Variants in EPB42 observed in about 807,000 individuals in gnomAD.
The protein encoded by EPB42 is erythrocyte membrane protein band 4.2, also known as protein 4.2.
EPB42 carries 49 observed loss-of-function variants against 76.9 expected under a neutral mutation model. That is an observed-to-expected ratio of 0.64 (90% CI 0.51 to 0.81). The LOEUF (loss-of-function observed/expected upper bound fraction) is 0.81. Ranked by LOEUF, EPB42 falls within the 30% of genes least tolerant of loss-of-function variation. The pLI is 0.00. For synonymous variants in EPB42, 310 were observed against 338.4 expected (o/e 0.92, Z 0.92); for missense variants, 731 against 867.6 (o/e 0.84, Z 1.98).
At chr15:43,210,905 C>G (rs1305191307) in intron 4 of EPB42, among the ~76,000 whole-genome samples, 1 of 152,166 alleles carries the variant, frequency 6.6e-6, no homozygotes, top group African/African-American at 2.4e-5. Flanking sequence ...ATGGCCAGGG[C>G]TCTTGTAGAG....
At chr15:43,202,756 T>C (rs2042144950) in intron 11 of EPB42, among the ~76,000 whole-genome samples, 1 of 152,144 alleles carries the variant, frequency 6.6e-6, no homozygotes, top group Non-Finnish European at 1.5e-5. Context: ...TTTTTTCATC[T>C]GAATAATGGG....
intron 8 of EPB42, among the ~76,000 whole-genome samples, chr15:43,207,981 C>G (rs1053383175): frequency 6.6e-6 from 1 of 152,220 alleles, no homozygotes; most frequent in Non-Finnish European, 1.5e-5. Flanking sequence ...CACTGTGACC[C>G]AACTCCCTCA....
intron 1 of EPB42, among the ~76,000 whole-genome samples, chr15:43,218,037 T>A (rs2042403668): frequency 6.6e-6 from 1 of 152,140 alleles, no homozygotes; most frequent in South Asian, 2.1e-4. Flanking sequence ...GCCCCTTGCA[T>A]CCTTGTATCC....
chr15:43,206,494 A>G lies in EPB42; in HGVS notation c.1454T>C (p.Leu485Pro). 1.2e-6 allele frequency: 2 copies of G among 1,614,060 alleles called. No homozygotes were observed. Among genetic ancestry groups the G allele is most frequent in the Non-Finnish European group, 1.7e-6 (2 of 1,179,906 alleles). ...GATCTGGGCATCCCCTCTCAGGGGTAGGGAGCTGGGTGCTTTCAAGAGCAG... is the reference window on the plus strand; with the variant it reads ...GATCTGGGCATCCCCTCTCAGGGGTGGGGAGCTGGGTGCTTTCAAGAGCAG... Reference protein sequence around the residue: ...LYLLLKAPSSLPLRGDAQISV... With the variant: ...LYLLLKAPSSPPLRGDAQISV... The change falls in exon 10 of 13, where the codon CTA (leucine) becomes CCA (proline). Residue 485 changes from leucine to proline, a missense_variant. Coordinates refer to ENST00000441366, the MANE Select transcript of EPB42 (RefSeq NM_001114134.2). The surrounding 1 kb of genome is among the most constrained non-coding windows in gnomAD (Gnocchi z 4.7).
chr15:43,220,657 C>CCCCCG, intron 1 of EPB42, 159 bp downstream of exon 1: 2 of 1,079,066 alleles, frequency 1.9e-6, no homozygotes, highest in Non-Finnish European at 2.7e-6. Context: ...ACACCCCCCC[C>CCCCCG]CCACAGCCAC....
chr15:43,200,817 A>ATTT (rs34556953), intron 12 of EPB42, among the ~76,000 whole-genome samples: 6 of 143,658 alleles, frequency 4.2e-5, no homozygotes, highest in African/African-American at 1.0e-4. Context: ...ACTCCACCAA[A>ATTT]TTTTTTTTTT....
chr15:43,217,168 G>A (rs1016839505), intron 1 of EPB42, among the ~76,000 whole-genome samples: 2 of 152,180 alleles, frequency 1.3e-5, no homozygotes, highest in African/African-American at 4.8e-5. Flanking sequence ...GGGCCTGGTG[G>A]GAGGTGATTG....
chr15:43,201,829 C>A lies in EPB42; in HGVS notation c.1913+15G>T. ...TGAGACATTTCAGGGGGATGAGAAG[C>A]CTGCCATCACTTACCTGTAGCTCCT... On this transcript the variant is annotated intron_variant, in intron 12 of 12. Transcript: ENST00000441366. The A allele has an allele frequency of 6.2e-7, 1 of 1,614,204 alleles. No individual in the cohort carries two copies. Among genetic ancestry groups the A allele is most frequent in the Non-Finnish European group, 8.5e-7 (1 of 1,180,018 alleles).
chr15:43,204,974 C>CACCA (rs1555471882), intron 10 of EPB42, among the ~76,000 whole-genome samples: 4 of 145,130 alleles, frequency 2.8e-5, no homozygotes, highest in African/African-American at 1.1e-4. Flanking sequence ...GCCCCCCCCC[C>CACCA]AAAAAAAAGT....
At position 43,210,448 on chromosome 15, in the gene EPB42, G is replaced by C. The variant is rs2042277062; in HGVS notation, c.550-9C>G. The C allele has an allele frequency of 6.8e-6, 11 of 1,612,548 alleles. No homozygotes were observed. Among genetic ancestry groups the C allele is most frequent in the Non-Finnish European group, 9.3e-6 (11 of 1,179,270 alleles). On this transcript the variant is annotated splice_polypyrimidine_tract_variant and intron_variant, in intron 4 of 12. Transcript: ENST00000441366. ...ATGACATCCCCCTCGAACTGTTAAG[G>C]ATCACACAGGGCCATGATGAAGGGT... is the stretch of plus-strand genomic sequence containing the variant.
At chr15:43,207,078 C>T in intron 9 of EPB42, 121 bp downstream of exon 9, 1 of 1,463,964 alleles carries the variant, frequency 6.8e-7, no homozygotes, top group Non-Finnish European at 9.3e-7. Flanking sequence ...GGTTGAGAAA[C>T]CCTGTTTTAT....
At position 43,220,975 on chromosome 15, in the gene EPB42, C is replaced by T; in HGVS notation, c.-150G>A. 1 of 700,474 alleles carries T rather than the reference C, an allele frequency of 1.4e-6. No individual in the cohort carries two copies. The highest frequency in any genetic ancestry group is 2.6e-6 in the Non-Finnish European group (1 of 391,212). 43.4% of individuals were successfully genotyped at this position (700,474 alleles called of 1,614,324 possible). ...AAGAATCTGGAAATAGCAAAACCTC[C>T]CCCCACTACTCCTGTGAGCACCCTG... On this transcript the variant is annotated 5_prime_UTR_variant, in exon 1 of 13. Transcript: ENST00000441366.
chr15:43,222,807 A>G (rs146641670), upstream of EPB42, among the ~76,000 whole-genome samples: 665 of 152,376 alleles, frequency 4.4e-3, 2 homozygotes, highest in African/African-American at 0.015. Flanking sequence ...GTCAAAATAC[A>G]GTTGGCTTCC....
Position 43,208,704 on chromosome 15 carries a change from G to A in EPB42, c.904C>T (p.Leu302Phe). The change falls in exon 7 of 13, where the codon CTT becomes TTT. Residue 302 changes from leucine (L) to phenylalanine (F), a missense_variant. Physicochemically the swap from Leu to Phe is conservative, Grantham distance 22 (BLOSUM62 0). Coordinates refer to ENST00000441366, the MANE Select transcript of EPB42 (RefSeq NM_001114134.2). The stretch of plus-strand genomic sequence containing the variant: ...TCATTATAGTATTCATCTATGAGAA[G>A]ACGCCCACCGGTGCCCTGTGCTGAG... Reference protein sequence around the residue: ...FASAQGTGGRLLIDEYYNEEG... With the variant: ...FASAQGTGGRFLIDEYYNEEG... 1 of 1,614,194 alleles carries A rather than the reference G, an allele frequency of 6.2e-7. No homozygotes were observed. The highest frequency in any genetic ancestry group is 2.2e-5 in the East Asian group (1 of 44,878).
Position 43,201,906 on chromosome 15 carries a change from G to GGGGGC in EPB42, c.1846_1850dup (p.Met618ProfsTer7). 6.2e-7 allele frequency: 1 copy of GGGGGC among 1,614,154 alleles called. No individual in the cohort carries two copies. Among genetic ancestry groups the GGGGGC allele is most frequent in the Non-Finnish European group, 8.5e-7 (1 of 1,179,996 alleles). On this transcript the variant is annotated frameshift_variant, in exon 12 of 13. Transcript: ENST00000441366. LOFTEE classifies it high-confidence loss of function. ...GGATGGAGATCACACAGTCCTCCAT[G>GGGGGC]GGGGCATCTAGGGAGTTCTGGAGGC...
chr15:43,208,506 C>T, intron 7 of EPB42, 131 bp downstream of exon 7: 2 of 1,493,182 alleles, frequency 1.3e-6, no homozygotes, highest in Non-Finnish European at 9.3e-7. Context: ...ACCATCAGCG[C>T]CGCCTCTAAG....
chr15:43,218,743 G>A (rs563999732), intron 1 of EPB42, among the ~76,000 whole-genome samples: 1 of 152,306 alleles, frequency 6.6e-6, no homozygotes, highest in South Asian at 2.1e-4. Context: ...CCAGACCCTC[G>A]CAGGGCCCCT....
At chr15:43,213,581 G>A (rs546754629) in intron 3 of EPB42, among the ~76,000 whole-genome samples, 1 of 152,314 alleles carries the variant, frequency 6.6e-6, no homozygotes, top group Non-Finnish European at 1.5e-5. Context: ...ACTCTTTGCT[G>A]GGTCTTTATG....
Position 43,220,998 on chromosome 15 carries a change from C to G in EPB42, c.-173G>C. On this transcript the variant is annotated 5_prime_UTR_variant, in exon 1 of 13. Transcript: ENST00000441366. The stretch of plus-strand genomic sequence containing the variant: ...TCCCCCCACTACTCCTGTGAGCACC[C>G]TGACATGTTTCTTCTCTCCTACTCC... The G allele has an allele frequency of 1.5e-6, 1 of 659,184 alleles. No individual in the cohort carries two copies. Among genetic ancestry groups the G allele is most frequent in the East Asian group, 2.8e-5 (1 of 36,342 alleles). The allele number at this position is 659,184 out of a possible 1,614,324, so 40.8% of individuals were successfully genotyped here.
Sources: allele counts gnomAD v4.1 joint callset (sites outside exome capture counted in the v4.1 genomes callset), GRCh38; gene constraint gnomAD v4.1.1; non-coding constraint Gnocchi (gnomAD v3.1); transcripts MANE v1.5; gene names NCBI Gene and HGNC (gene_info 2026-07-23, HGNC 2026-07-21).